NRG3: variants seen among roughly 807,000 people sequenced by gnomAD.
The protein encoded by NRG3 is pro-neuregulin-3, membrane-bound isoform.
Under a neutral mutation model 66.9 loss-of-function variants are expected in NRG3, and 31 were observed. That is an observed-to-expected ratio of 0.46 (90% CI 0.35 to 0.63). The LOEUF is 0.63. NRG3 is among the 20% of genes least tolerant of loss of function. The pLI, the probability that NRG3 is intolerant of heterozygous loss-of-function variation, is 0.00. For missense variants in NRG3, 910 were observed against 878.9 expected, an observed-to-expected ratio of 1.04 and a Z score of -0.45; for synonymous variants, 393 against 359.4, an observed-to-expected ratio of 1.09 and a Z score of -1.06.
intron 2 of NRG3, among the ~76,000 whole-genome samples, chr10:82,678,822 A>C (rs1025598796): frequency 7.9e-5 from 12 of 152,050 alleles, no homozygotes; most frequent in African/African-American, 2.9e-4. Context: ...CATTTTATGG[A>C]GCTCCTTTCC....
chr10:82,911,927 A>G (rs893807994), intron 4 of NRG3, among the ~76,000 whole-genome samples: 2 of 151,800 alleles, frequency 1.3e-5, no homozygotes, highest in Non-Finnish European at 2.9e-5. Context: ...AATTTTGATG[A>G]GTTGTATTTT....
chr10:82,890,611 T>G (rs1843068272), intron 4 of NRG3, among the ~76,000 whole-genome samples: 1 of 152,212 alleles, frequency 6.6e-6, no homozygotes, highest in African/African-American at 2.4e-5. Flanking sequence ...TAGCCATCTT[T>G]GTATAAATGT....
rs550559443 is a variant in NRG3, at chr10:82,349,390, C to T, written c.824-9349C>T. Among the ~76,000 whole-genome samples the T allele has an allele frequency of 7.7e-3, 1,168 of 151,466 alleles. 13 individuals carry two copies. The highest frequency in any genetic ancestry group is 0.026 in the African/African-American group (1,080 of 41,294). Reference sequence around the variant, plus strand: ...GTTAGGCTGCTCGGGGGTCAGGGGTCAGGGACCCACTTGAGGAGGCAGTCT... The same window carrying T: ...GTTAGGCTGCTCGGGGGTCAGGGGTTAGGGACCCACTTGAGGAGGCAGTCT... On this transcript the variant is annotated intron_variant, in intron 1 of 8. Transcript: ENST00000372141.
At chr10:82,019,275 AG>A (rs1489398453) in intron 1 of NRG3, among the ~76,000 whole-genome samples, 1 of 152,194 alleles carries the variant, frequency 6.6e-6, no homozygotes. Context: ...CTTGCATCCC[AG>A]GGATGAAGCC....
chr10:82,395,797 C>A (rs574542639), intron 2 of NRG3, among the ~76,000 whole-genome samples: 12 of 152,122 alleles, frequency 7.9e-5, no homozygotes, highest in Non-Finnish European at 1.6e-4. Context: ...CCAATTAAAG[C>A]TGAGTCAGTG....
chr10:82,838,048 G>A lies in NRG3; in HGVS notation c.1028-27363G>A, dbSNP rs535384246. On this transcript the variant is annotated intron_variant, in intron 3 of 8. Transcript: ENST00000372141. ...TGATGCTTAATTTGAAAGAGTTGGA[G>A]TGTCTGCACACACCATCATTTGCTG... Among the ~76,000 whole-genome samples the A allele has an allele frequency of 5.3e-5, 8 of 152,242 alleles. No individual in the cohort carries two copies. The South Asian group carries it at 1.7e-3, about 31-fold the overall frequency.
chr10:82,925,692 G>A (rs1228579834), intron 4 of NRG3, among the ~76,000 whole-genome samples: 2 of 152,334 alleles, frequency 1.3e-5, no homozygotes, highest in South Asian at 4.1e-4. Context: ...TGATGACAGA[G>A]AGAGGTAGGT....
chr10:82,310,197 T>C (rs2080950916), intron 1 of NRG3, among the ~76,000 whole-genome samples: 1 of 152,198 alleles, frequency 6.6e-6, no homozygotes. Context: ...ATATCATTTA[T>C]CTCCATCATT....
intron 1 of NRG3, among the ~76,000 whole-genome samples, chr10:82,077,117 A>G (rs568360873): frequency 1.3e-5 from 2 of 152,370 alleles, no homozygotes; most frequent in Admixed American, 1.3e-4. Context: ...TTTCCATTTA[A>G]TAAGTCAAAA....
chr10:82,493,310 G>A (rs1413289788), intron 2 of NRG3, among the ~76,000 whole-genome samples: 8 of 151,998 alleles, frequency 5.3e-5, no homozygotes, highest in South Asian at 4.2e-4. Context: ...GCCCCAGTTC[G>A]TGTTGTTCCT....
chr10:82,535,902 CTTTT>C (rs34319022), intron 2 of NRG3, among the ~76,000 whole-genome samples: 9 of 133,010 alleles, frequency 6.8e-5, no homozygotes, highest in Non-Finnish European at 9.9e-5. Context: ...TTAAAGTAGT[CTTTT>C]TTTTTTTTTT....
intron 2 of NRG3, among the ~76,000 whole-genome samples, chr10:82,705,304 C>T (rs1413638305): frequency 6.6e-6 from 1 of 152,144 alleles, no homozygotes; most frequent in Non-Finnish European, 1.5e-5. Context: ...GGCCAAGTGT[C>T]TGCTTTGCAT....
chr10:82,405,648 A>G (rs2087461911), intron 2 of NRG3, among the ~76,000 whole-genome samples: 1 of 151,884 alleles, frequency 6.6e-6, no homozygotes, highest in Admixed American at 6.6e-5. Context: ...TTGTATTTTT[A>G]GTAGAAACGG....
intron 1 of NRG3, among the ~76,000 whole-genome samples, chr10:81,932,247 GGAGA>G (rs141650195): frequency 0.016 from 2,422 of 149,634 alleles, 81 homozygotes; most frequent in African/African-American, 0.056. Flanking sequence ...AGGAGAGAGA[GGAGA>G]GAGAGAGAGA....
chr10:82,590,675 G>C (rs1001366422), intron 2 of NRG3, among the ~76,000 whole-genome samples: 7 of 152,150 alleles, frequency 4.6e-5, no homozygotes, highest in African/African-American at 1.7e-4. Flanking sequence ...TGCTCAGCTT[G>C]GGCTGTAGAG....
intron 2 of NRG3, among the ~76,000 whole-genome samples, chr10:82,473,089 C>A (rs1196459501): frequency 6.6e-6 from 1 of 152,098 alleles, no homozygotes; most frequent in African/African-American, 2.4e-5. Flanking sequence ...GTGAACACAC[C>A]CAGTTGTTGA....
At chr10:82,105,128 A>G (rs2066981437) in intron 1 of NRG3, among the ~76,000 whole-genome samples, 1 of 152,174 alleles carries the variant, frequency 6.6e-6, no homozygotes, top group Non-Finnish European at 1.5e-5. Flanking sequence ...CGTGAATTCA[A>G]TGGAAATAGA....
At chr10:81,964,998 G>T (rs1290256240) in intron 1 of NRG3, among the ~76,000 whole-genome samples, 1 of 152,134 alleles carries the variant, frequency 6.6e-6, no homozygotes, top group African/African-American at 2.4e-5. Flanking sequence ...ATATTAAAAT[G>T]TAACATTTAC....
Position 82,871,174 on chromosome 10 carries a change from A to G in NRG3, c.1054+5737A>G, listed in dbSNP as rs1407791586. Among the ~76,000 whole-genome samples the G allele has an allele frequency of 2.6e-5, 4 of 152,096 alleles. No individual in the cohort carries two copies. The East Asian group carries it at 7.7e-4, about 29-fold the overall frequency. On this transcript the variant is annotated intron_variant, in intron 4 of 8. Transcript: ENST00000372141. Reference sequence around the variant, plus strand: ...GTTGTTCCAGCACCATTTGTTGAAAAGTTTATCTTTTCTCCATTGTATTGT... The same window carrying G: ...GTTGTTCCAGCACCATTTGTTGAAAGGTTTATCTTTTCTCCATTGTATTGT...
Sources: allele counts gnomAD v4.1 joint callset (sites outside exome capture counted in the v4.1 genomes callset), GRCh38; gene constraint gnomAD v4.1.1; transcripts MANE v1.5; gene names NCBI Gene and HGNC (gene_info 2026-07-23, HGNC 2026-07-21).